TBX15: variants seen among roughly 807,000 people sequenced by gnomAD.
TBX15 encodes T-box transcription factor TBX15.
A neutral mutation model predicts 53.9 loss-of-function variants in TBX15; 18 were observed. The observed-to-expected ratio is 0.33, with a 90% CI of 0.23 to 0.49. TBX15 has a LOEUF of 0.49. Among genes scored for constraint, TBX15 ranks in the 20% least tolerant of loss-of-function variants. TBX15 has a pLI of 0.98. For synonymous variants in TBX15, 295 were observed against 278.0 expected (o/e 1.06, Z -0.61); for missense variants, 692 against 749.5 (o/e 0.92, Z 0.90).
intron 5 of TBX15, among the ~76,000 whole-genome samples, chr1:118,915,509 G>A (rs1655187691): frequency 2.0e-5 from 3 of 152,136 alleles, no homozygotes; most frequent in Admixed American, 6.5e-5. Context: ...CACTAATTAT[G>A]CAGCACCAAC....
chr1:118,906,842 C>T (rs1654847440), intron 6 of TBX15, among the ~76,000 whole-genome samples: 1 of 152,186 alleles, frequency 6.6e-6, no homozygotes, highest in South Asian at 2.1e-4. Flanking sequence ...CTGCTGGCTG[C>T]AAACACTCCA....
At chr1:118,911,128 A>G (rs1655012935) in intron 6 of TBX15, among the ~76,000 whole-genome samples, 1 of 144,260 alleles carries the variant, frequency 6.9e-6, no homozygotes, top group Non-Finnish European at 1.5e-5. Flanking sequence ...AGTCAGGCAG[A>G]GTCGGTTTTA....
At chr1:118,914,999 T>C (rs1184666753) in intron 5 of TBX15, among the ~76,000 whole-genome samples, 1 of 152,210 alleles carries the variant, frequency 6.6e-6, no homozygotes, top group Non-Finnish European at 1.5e-5. Context: ...TTGCATCCTA[T>C]CTTAGTTCTG....
At chr1:118,909,064 C>A (rs1410692239) in intron 6 of TBX15, among the ~76,000 whole-genome samples, 1 of 152,208 alleles carries the variant, frequency 6.6e-6, no homozygotes, top group Non-Finnish European at 1.5e-5. Flanking sequence ...TCACCTGACA[C>A]TTCCTAAAGA....
chr1:118,948,987 G>A (rs1408904393), intron 1 of TBX15, among the ~76,000 whole-genome samples: 1 of 152,174 alleles, frequency 6.6e-6, no homozygotes, highest in Non-Finnish European at 1.5e-5. Context: ...TGTGGACCAG[G>A]ATAAAATATA....
At chr1:118,969,703 C>A (rs983739981) in intron 1 of TBX15, among the ~76,000 whole-genome samples, 2 of 152,130 alleles carry the variant, frequency 1.3e-5, no homozygotes, top group African/African-American at 4.8e-5. Flanking sequence ...ATTTAGAAAC[C>A]CACAAATGTA....
At chr1:118,956,820 A>C (rs1656705274) in intron 1 of TBX15, among the ~76,000 whole-genome samples, 2 of 151,856 alleles carry the variant, frequency 1.3e-5, no homozygotes, top group South Asian at 4.2e-4. Context: ...GAAATTAGCC[A>C]GGCATGGTGG....
At chr1:118,954,294 C>T (rs1403796330) in intron 1 of TBX15, among the ~76,000 whole-genome samples, 2 of 152,136 alleles carry the variant, frequency 1.3e-5, no homozygotes, top group Admixed American at 1.3e-4. Context: ...AGGTATTTGG[C>T]CTTTTCCTGG....
chr1:118,979,329 G>A (rs1657561136), intron 1 of TBX15, among the ~76,000 whole-genome samples: 1 of 151,890 alleles, frequency 6.6e-6, no homozygotes, highest in African/African-American at 2.4e-5. Context: ...CAGCGTCCCT[G>A]CCTCTTAGGC....
chr1:118,891,577 C>T (rs1309726514), intron 7 of TBX15, among the ~76,000 whole-genome samples: 1 of 152,138 alleles, frequency 6.6e-6, no homozygotes, highest in Non-Finnish European at 1.5e-5. Context: ...ATCATATTCC[C>T]CCCTACCACA....
At chr1:118,939,649 T>G (rs768093802) in intron 1 of TBX15, among the ~76,000 whole-genome samples, 35 of 149,640 alleles carry the variant, frequency 2.3e-4, no homozygotes, top group Non-Finnish European at 4.7e-4. Context: ...TCACGCAATA[T>G]TCCCATGTAA....
intron 7 of TBX15, among the ~76,000 whole-genome samples, chr1:118,889,929 C>T (rs1020368990): frequency 1.8e-4 from 27 of 152,130 alleles, no homozygotes; most frequent in African/African-American, 6.5e-4. Context: ...AGCCACTGCA[C>T]CTAGCCCAGC....
intron 1 of TBX15, among the ~76,000 whole-genome samples, chr1:118,950,201 T>C (rs1408809482): frequency 6.6e-6 from 1 of 152,206 alleles, no homozygotes; most frequent in East Asian, 1.9e-4. Flanking sequence ...CCCCTCTTCA[T>C]GGTAATAGTC....
intron 1 of TBX15, among the ~76,000 whole-genome samples, chr1:118,987,198 G>A (rs966418945): frequency 6.6e-6 from 1 of 152,186 alleles, no homozygotes; most frequent in East Asian, 1.9e-4. Flanking sequence ...ATTGGAGAAC[G>A]CCGCGCCAGT....
chr1:118,979,656 GT>G (rs1557908456), intron 1 of TBX15, among the ~76,000 whole-genome samples: 2 of 152,158 alleles, frequency 1.3e-5, no homozygotes. Context: ...GGTCTGTTCT[GT>G]TTTTTGGGGG....
At chr1:118,949,509 T>C (rs1656446513) in intron 1 of TBX15, among the ~76,000 whole-genome samples, 1 of 152,212 alleles carries the variant, frequency 6.6e-6, no homozygotes, top group South Asian at 2.1e-4. Flanking sequence ...AACCATCCAG[T>C]CCTGGTGATT....
chr1:118,937,356 C>A (rs368352482), intron 1 of TBX15, among the ~76,000 whole-genome samples: 11 of 152,304 alleles, frequency 7.2e-5, no homozygotes, highest in African/African-American at 2.6e-4. Flanking sequence ...CTCTTCTAAA[C>A]TCTTGGGACA....
intron 7 of TBX15, among the ~76,000 whole-genome samples, chr1:118,887,859 T>A (rs994439093): frequency 6.6e-6 from 1 of 152,088 alleles, no homozygotes; most frequent in African/African-American, 2.4e-5. Flanking sequence ...TAGGTAGTAG[T>A]GCTGGCTATA....
At chr1:118,942,524 T>C (rs1357108983) in intron 1 of TBX15, among the ~76,000 whole-genome samples, 1 of 152,114 alleles carries the variant, frequency 6.6e-6, no homozygotes, top group Non-Finnish European at 1.5e-5. Flanking sequence ...TAATGAGGTG[T>C]CTTAATTGCA....
Sources: gnomAD v4.1 joint callset for allele counts (sites outside exome capture counted in the v4.1 genomes callset) on GRCh38, gnomAD v4.1.1 for gene constraint, MANE v1.5 for transcripts, NCBI Gene and HGNC (gene_info 2026-07-23, HGNC 2026-07-21) for gene names.